KDM1B: variants seen among roughly 807,000 people sequenced by gnomAD.
KDM1B encodes lysine-specific histone demethylase 2.
KDM1B carries 63 observed loss-of-function variants against 107.4 expected under a neutral mutation model. The observed-to-expected ratio is 0.59, with a 90% confidence interval of 0.48 to 0.72. KDM1B has a LOEUF of 0.72. Among genes scored for constraint, KDM1B ranks in the 30% least tolerant of loss-of-function variants. KDM1B has a pLI of 0.00. For synonymous variants in KDM1B, 363 were observed against 363.9 expected, an observed-to-expected ratio of 1.00 and a Z score of 0.03; for missense variants, 749 against 1,020.8, an observed-to-expected ratio of 0.73 and a Z score of 3.63.
chr6:18,156,059 A>G (rs932576220), intron 2 of KDM1B, 133 bp downstream of exon 2: 2 of 152,200 alleles, frequency 1.3e-5, no homozygotes, highest in African/African-American at 4.8e-5. Context: ...GGAGAACCCC[A>G]CGGTCCTGGA....
chr6:18,161,516 A>G (rs1784971365), intron 4 of KDM1B, 62 bp downstream of exon 4: 1 of 1,572,982 alleles, frequency 6.4e-7, no homozygotes, highest in East Asian at 2.2e-5. Context: ...TTGTGGAAAC[A>G]TCATCCTTGT....
chr6:18,190,156 A>T (rs1582148187), intron 9 of KDM1B, among the ~76,000 whole-genome samples: 1 of 72,828 alleles, frequency 1.4e-5, no homozygotes. Flanking sequence ...TCTCGAGAAA[A>T]AAAAAAAGTT....
Position 18,203,936 on chromosome 6 carries a change from G to A in KDM1B, c.1532-1601G>A, listed in dbSNP as rs929471715. Among the ~76,000 whole-genome samples, 6 of 151,076 alleles carry A rather than the reference G, an allele frequency of 4.0e-5. No homozygotes were observed. The highest frequency in any genetic ancestry group is 1.2e-4 in the African/African-American group (5 of 41,056). On this transcript the variant is annotated intron_variant, in intron 14 of 21. Coordinates refer to ENST00000650836, the MANE Select transcript of KDM1B (RefSeq NM_001364614.2). The surrounding 1 kb of genome is among the most constrained non-coding windows in gnomAD (Gnocchi z 5.5). ...AGCAATCTTGGTTTTTCTCCCCGCC[G>A]CCTCCACAAAACCAACAGGAATGTA...
chr6:18,210,364 T>TTC (rs1788771492), intron 17 of KDM1B, among the ~76,000 whole-genome samples: 1 of 106,046 alleles, frequency 9.4e-6, no homozygotes, highest in Non-Finnish European at 1.9e-5. Flanking sequence ...TTTTTTTTTT[T>TTC]TTTTTTTTGT....
chr6:18,161,562 A>G (rs1784973940), intron 4 of KDM1B, 108 bp downstream of exon 4: 10 of 1,187,248 alleles, frequency 8.4e-6, no homozygotes, highest in Non-Finnish European at 1.2e-5. Context: ...AGATACTATA[A>G]GTCATCTAAT....
In KDM1B at chr6:18,197,768, T is replaced by C. The variant is rs970373472; in HGVS notation, c.1221+107T>C. On this transcript the variant is annotated intron_variant, in intron 12 of 21. Coordinates refer to ENST00000650836, the MANE Select transcript of KDM1B (RefSeq NM_001364614.2). This position sits in a 1 kb window ranked among gnomAD's most constrained non-coding sequence, Gnocchi z 4.5. ...CCTATTTTTAGTGAAGAATACTAAA[T>C]ACATTATATGTTTATATTAGGTCCT... 2 of 699,886 alleles carry C rather than the reference T, an allele frequency of 2.9e-6. No homozygotes were observed. Among genetic ancestry groups the C allele is most frequent in the African/African-American group, 3.6e-5 (2 of 55,172 alleles). The allele number at this position is 699,886 out of a possible 1,614,324, so 43.4% of individuals were successfully genotyped here. A position where few individuals can be genotyped will look rare whatever the true frequency, so the allele number is the denominator to read the frequency against.
intron 10 of KDM1B, among the ~76,000 whole-genome samples, chr6:18,193,009 A>G (rs1346638586): frequency 6.6e-6 from 1 of 151,830 alleles, no homozygotes; most frequent in Non-Finnish European, 1.5e-5. Context: ...CCTGGCCAAC[A>G]TGGCAAAACC....
chr6:18,189,533 A>T (rs892036137), intron 9 of KDM1B, among the ~76,000 whole-genome samples: 6 of 152,224 alleles, frequency 3.9e-5, no homozygotes, highest in Non-Finnish European at 8.8e-5. Context: ...AAGTAATTGG[A>T]TGAAATGTAA....
rs533016543 is a variant in KDM1B at position 18,210,342 on chromosome 6, C to CTTTTTTTTTTTTTTTT, written c.1867-2131_1867-2116dup. 1.4e-3 allele frequency among the ~76,000 whole-genome samples: 98 copies of CTTTTTTTTTTTTTTTT among 69,960 alleles called. 3 individuals carry two copies. Among genetic ancestry groups the CTTTTTTTTTTTTTTTT allele is most frequent in the Non-Finnish European group, 1.7e-3 (58 of 33,954 alleles). 45.9% of individuals were successfully genotyped at this position (69,960 alleles called of 152,430 possible). A position where few individuals can be genotyped will look rare whatever the true frequency, so the allele number is the denominator to read the frequency against. On this transcript the variant is annotated intron_variant, in intron 17 of 21. Transcript: ENST00000650836. ...TCTTTCTTTTTTTTCTCTTTCTTTT[C>CTTTTTTTTTTTTTTTT]TTTTTTTTTTTTTTTTTTTTTTTTT...
rs1052863439 is a variant in KDM1B at position 18,194,290 on chromosome 6, G to A, written c.970-2767G>A. On this transcript the variant is annotated intron_variant, in intron 10 of 21. Transcript: ENST00000650836. ...TTGGCCTCCAAAGTGCTGGGATTAC[G>A]TGCTGTAAAGGCGTGAGCCACCGTG... Among the ~76,000 whole-genome samples the A allele has an allele frequency of 2.6e-5, 4 of 152,134 alleles. No homozygotes were observed. The East Asian group carries it at 5.8e-4, about 22-fold the overall frequency.
rs1454208686 is a variant in KDM1B at position 18,213,431 on chromosome 6, C to T, written c.1984-225C>T. ...CAGCTGGGCAACAAGAGCGAAACTC[C>T]GTCTCAAAAAAAAAAAAAACCCAAA... is the stretch of plus-strand genomic sequence containing the variant. On this transcript the variant is annotated intron_variant, in intron 18 of 21. Transcript: ENST00000650836. This position sits in a 1 kb window ranked among gnomAD's most constrained non-coding sequence, Gnocchi z 5.9. Among the ~76,000 whole-genome samples, 5 of 148,536 alleles carry T rather than the reference C, an allele frequency of 3.4e-5. No homozygotes were observed. The highest frequency in any genetic ancestry group is 1.9e-4 in the East Asian group (1 of 5,136).
chr6:18,186,973 T>TACACACACACACACACACACAC lies in KDM1B; in HGVS notation c.574-813_574-792dup, dbSNP rs141222425. 3.4e-5 allele frequency among the ~76,000 whole-genome samples: 5 copies of TACACACACACACACACACACAC among 147,530 alleles called. No homozygotes were observed. Among genetic ancestry groups the TACACACACACACACACACACAC allele is most frequent in the Admixed American group, 2.7e-4 (4 of 14,776 alleles). ...CAGTATGTATATATGTGTGTGTGTG[T>TACACACACACACACACACACAC]ACACACACACACACACACACACACA... On this transcript the variant is annotated intron_variant, in intron 8 of 21. Coordinates refer to ENST00000650836, the MANE Select transcript of KDM1B (RefSeq NM_001364614.2). The surrounding 1 kb of genome is among the most constrained non-coding windows in gnomAD (Gnocchi z 5.6).
chr6:18,179,416 A>G (rs1786279178), intron 7 of KDM1B, among the ~76,000 whole-genome samples: 1 of 152,190 alleles, frequency 6.6e-6, no homozygotes, highest in African/African-American at 2.4e-5. Flanking sequence ...TGAAACGAGC[A>G]GTATATCCTC....
intron 7 of KDM1B, among the ~76,000 whole-genome samples, chr6:18,185,362 C>T (rs189270934): frequency 2.9e-4 from 44 of 151,464 alleles, no homozygotes; most frequent in Admixed American, 7.2e-4. Context: ...AGCGCAGTAG[C>T]GCAGTCTCGG....
intron 5 of KDM1B, among the ~76,000 whole-genome samples, chr6:18,164,806 C>T (rs1785190677): frequency 6.6e-6 from 1 of 151,976 alleles, no homozygotes; most frequent in Admixed American, 6.6e-5. Context: ...CCACCATGCC[C>T]AGCTAATTTT....
At chr6:18,166,231 A>G in intron 5 of KDM1B, 36 bp from the exon 6 acceptor site, 4 of 967,718 alleles carry the variant, frequency 4.1e-6, no homozygotes, top group Non-Finnish European at 6.7e-6. Context: ...AGCAATCGAT[A>G]TATTAATCGA....
At chr6:18,198,700 C>G (rs1787830422) in intron 12 of KDM1B, among the ~76,000 whole-genome samples, 2 of 150,180 alleles carry the variant, frequency 1.3e-5, no homozygotes, top group Non-Finnish European at 3.0e-5. Context: ...ACCCACTGCT[C>G]CAGGCCTAGC....
intron 7 of KDM1B, among the ~76,000 whole-genome samples, chr6:18,174,465 A>T (rs941613734): frequency 2.2e-4 from 34 of 151,766 alleles, no homozygotes; most frequent in African/African-American, 7.5e-4. Flanking sequence ...ATTTATTTTT[A>T]TTTATTTTTA....
chr6:18,191,510 G>A lies in KDM1B; in HGVS notation c.969+129G>A. 9.6e-7 allele frequency: 1 copy of A among 1,042,702 alleles called. No individual in the cohort carries two copies. The highest frequency in any genetic ancestry group is 1.4e-6 in the Non-Finnish European group (1 of 731,236). The allele number at this position is 1,042,702 out of a possible 1,614,324, so 64.6% of individuals were successfully genotyped here. On this transcript the variant is annotated intron_variant, in intron 10 of 21. Transcript: ENST00000650836. The surrounding 1 kb of genome is among the most constrained non-coding windows in gnomAD (Gnocchi z 5.1). ...CAGCCGTGCCTCTGTTGACAATTTG[G>A]GCAGATAATTCTTTGTGGTGGGGAC...
Sources: allele counts gnomAD v4.1 joint callset (sites outside exome capture counted in the v4.1 genomes callset), GRCh38; gene constraint gnomAD v4.1.1; non-coding constraint Gnocchi (gnomAD v3.1); transcripts MANE v1.5; gene names NCBI Gene and HGNC (gene_info 2026-07-23, HGNC 2026-07-21).